The following PCDHA3 variants were observed in gnomAD, a reference collection of about 807,000 sequenced individuals.
PCDHA3 encodes the protein protocadherin alpha 3, also known as protocadherin alpha-3.
In PCDHA3, 41 loss-of-function variants were observed where a neutral mutation model predicts 62.2. That is an observed-to-expected ratio of 0.66 (90% confidence interval 0.51 to 0.86). The LOEUF is 0.86. PCDHA3 is among the 40% of genes least tolerant of loss of function. The pLI is 0.00. For missense variants in PCDHA3, 1,304 were observed against 1,241.2 expected, an observed-to-expected ratio of 1.05 and a Z score of -0.76; for synonymous variants, 640 against 555.4, an observed-to-expected ratio of 1.15 and a Z score of -2.14.
At chr5:140,941,648 T>C (rs975692197) in intron 1 of PCDHA3, among the ~76,000 whole-genome samples, 1 of 152,074 alleles carries the variant, frequency 6.6e-6, no homozygotes, top group Non-Finnish European at 1.5e-5. Context: ...TTCCTACAAC[T>C]TATGTCCAAT....
At chr5:140,975,003 A>G (rs1170426656) in intron 1 of PCDHA3, among the ~76,000 whole-genome samples, 3 of 152,152 alleles carry the variant, frequency 2.0e-5, no homozygotes, top group Non-Finnish European at 4.4e-5. Flanking sequence ...CAAGGCTGAA[A>G]TGAACACAGC....
At chr5:140,839,365 G>C (rs2150296771) in intron 1 of PCDHA3, among the ~76,000 whole-genome samples, 4 of 116,060 alleles carry the variant, frequency 3.4e-5, no homozygotes, top group East Asian at 2.4e-4. Flanking sequence ...CACCTAAGCT[G>C]TATTCATCAA....
chr5:140,907,631 C>T (rs1338354291), intron 1 of PCDHA3, among the ~76,000 whole-genome samples: 1 of 152,216 alleles, frequency 6.6e-6, no homozygotes, highest in African/African-American at 2.4e-5. Flanking sequence ...GTGTTGGTCT[C>T]TGCTGCTGGC....
chr5:140,859,450 G>T, intron 1 of PCDHA3: 1 of 220,914 alleles, frequency 4.5e-6, no homozygotes, highest in Non-Finnish European at 8.7e-6. Context: ...TAGTTGCAGA[G>T]TGACAAAACT....
At chr5:140,942,679 G>T (rs549826522) in intron 1 of PCDHA3, among the ~76,000 whole-genome samples, 8 of 151,904 alleles carry the variant, frequency 5.3e-5, no homozygotes, top group Non-Finnish European at 8.8e-5. Flanking sequence ...AAAGTTTTAG[G>T]AATAACTTTA....
At chr5:140,954,119 C>T (rs547590061) in intron 1 of PCDHA3, among the ~76,000 whole-genome samples, 2 of 152,156 alleles carry the variant, frequency 1.3e-5, no homozygotes, top group African/African-American at 4.8e-5. Flanking sequence ...AGATCTTGTT[C>T]CTTTTTATGG....
chr5:140,801,919 CG>C lies in PCDHA3; in HGVS notation c.723del (p.Phe242LeufsTer19). ...TTAGATGTAAACGACAACGCCCCAGCGTTTGAGAGGACGATCTATAAAGTCA... is the reference window on the plus strand; with the variant it reads ...TTAGATGTAAACGACAACGCCCCAGCTTTGAGAGGACGATCTATAAAGTCA... ...TVLDVNDNAP[A>X]FERTIYKVRL... On this transcript the variant is annotated frameshift_variant, in exon 1 of 4. Transcript: ENST00000522353. LOFTEE classifies it high-confidence loss of function. 1 of 1,614,142 alleles carries C rather than the reference CG, an allele frequency of 6.2e-7. No homozygotes were observed. The highest frequency in any genetic ancestry group is 8.5e-7 in the Non-Finnish European group (1 of 1,180,040).
At chr5:140,806,703 T>G (rs1251029622) in intron 1 of PCDHA3, among the ~76,000 whole-genome samples, 1 of 152,232 alleles carries the variant, frequency 6.6e-6, no homozygotes, top group Non-Finnish European at 1.5e-5. Flanking sequence ...GAATCTGTAA[T>G]GAATTTTTCT....
chr5:140,805,096 T>C (rs375338137), intron 1 of PCDHA3: 2 of 1,592,490 alleles, frequency 1.3e-6, no homozygotes, highest in African/African-American at 2.7e-5. Flanking sequence ...GCTTGCCTCT[T>C]GAAACTATTG....
At position 140,875,429 on chromosome 5, in the gene PCDHA3, C is replaced by T. The variant is rs781965482; in HGVS notation, c.2394+71838C>T. ...CATAAAATACCTCAGGCAAGCGATCCCTTAAAACTGATTGTCCCAACTCAG... is the reference window on the plus strand; with the variant it reads ...CATAAAATACCTCAGGCAAGCGATCTCTTAAAACTGATTGTCCCAACTCAG... On this transcript the variant is annotated intron_variant, in intron 1 of 3. Transcript: ENST00000522353. The T allele has an allele frequency of 1.9e-6, 3 of 1,551,972 alleles. No homozygotes were observed. In the Admixed American group the frequency reaches 6.1e-5, roughly 32 times the overall value.
chr5:140,869,340 G>A (rs1554162920), intron 1 of PCDHA3: 4 of 1,614,018 alleles, frequency 2.5e-6, no homozygotes, highest in Non-Finnish European at 3.4e-6. Flanking sequence ...AGGTAAATCT[G>A]CAGAATGGCA....
rs1342551274 is a variant in PCDHA3, at chr5:140,871,604, T to C, written c.2394+68013T>C. 4 of 1,443,096 alleles carry C rather than the reference T, an allele frequency of 2.8e-6. No homozygotes were observed. In the African/African-American group the frequency reaches 4.3e-5, roughly 16 times the overall value. The allele number at this position is 1,443,096 out of a possible 1,614,324, so 89.4% of individuals were successfully genotyped here. A position where few individuals can be genotyped will look rare whatever the true frequency, so the allele number is the denominator to read the frequency against. On this transcript the variant is annotated intron_variant, in intron 1 of 3. Coordinates refer to ENST00000522353, the MANE Select transcript of PCDHA3 (RefSeq NM_018906.3). The stretch of plus-strand genomic sequence containing the variant: ...AAAGTTTTATGAATAACCAGTGTTT[T>C]GAATATTGTTTTAGATAACAATGTC...
At position 140,835,833 on chromosome 5, in the gene PCDHA3, G is replaced by A. The variant is rs2150246145; in HGVS notation, c.2394+32242G>A. 4.3e-6 allele frequency: 7 copies of A among 1,612,446 alleles called. No homozygotes were observed. In the Admixed American group the frequency reaches 1.2e-4, roughly 27 times the overall value. On this transcript the variant is annotated intron_variant, in intron 1 of 3. Coordinates refer to ENST00000522353, the MANE Select transcript of PCDHA3 (RefSeq NM_018906.3). ...CACTGTGTCGGCGGGGGACGCGGAC[G>A]CGCAGAAGAACGCGCTGGTGTCCTA...
chr5:140,883,782 C>T (rs1434451644), intron 1 of PCDHA3: 1 of 1,612,468 alleles, frequency 6.2e-7, no homozygotes, highest in African/African-American at 1.3e-5. Flanking sequence ...CGTGCGCTGT[C>T]GAGCTACGTG....
At chr5:140,862,638 C>T (rs782579250) in intron 1 of PCDHA3, 2 of 539,918 alleles carry the variant, frequency 3.7e-6, no homozygotes, top group African/African-American at 1.9e-5. Flanking sequence ...GCCACGACTT[C>T]ACAGTGTCCG....
chr5:140,939,733 C>T (rs1433987863), intron 1 of PCDHA3, among the ~76,000 whole-genome samples: 2 of 152,162 alleles, frequency 1.3e-5, no homozygotes, highest in Non-Finnish European at 2.9e-5. Flanking sequence ...TTGTGTGTAG[C>T]TGTGTATCAT....
intron 1 of PCDHA3, among the ~76,000 whole-genome samples, chr5:140,940,027 G>A (rs1554213088): frequency 6.6e-6 from 1 of 152,058 alleles, no homozygotes; most frequent in Non-Finnish European, 1.5e-5. Context: ...TATGTTTTAA[G>A]GCTATTTTAT....
At chr5:140,952,161 G>A (rs1002170545) in intron 1 of PCDHA3, among the ~76,000 whole-genome samples, 1 of 152,046 alleles carries the variant, frequency 6.6e-6, no homozygotes, top group Non-Finnish European at 1.5e-5. Flanking sequence ...GCTTTGTGGG[G>A]TTCAGTTCCT....
chr5:140,821,812 C>G, intron 1 of PCDHA3: 6 of 1,613,776 alleles, frequency 3.7e-6, no homozygotes, highest in Non-Finnish European at 5.1e-6. Flanking sequence ...GGGATCCCGG[C>G]TCCTGCTGCT....
Sources: allele counts gnomAD v4.1 joint callset (sites outside exome capture counted in the v4.1 genomes callset), GRCh38; gene constraint gnomAD v4.1.1; transcripts MANE v1.5; gene names NCBI Gene and HGNC (gene_info 2026-07-23, HGNC 2026-07-21).